The following PLAA variants were observed in gnomAD, a reference collection of about 807,000 sequenced individuals.
The protein encoded by PLAA is phospholipase A2 activating protein.
In PLAA, 48 loss-of-function variants were observed where a neutral mutation model predicts 84.1. The ratio of observed to expected loss-of-function variants is 0.57; its 90% CI spans 0.45 to 0.73. The LOEUF is 0.73. Among genes scored for constraint, PLAA ranks in the 30% least tolerant of loss-of-function variants. The pLI, the probability that PLAA is intolerant of heterozygous loss-of-function variation, is 0.00. For missense variants in PLAA, 903 were observed against 954.7 expected, an observed-to-expected ratio of 0.95 and a Z score of 0.71; for synonymous variants, 392 against 336.6, an observed-to-expected ratio of 1.16 and a Z score of -1.80.
intron 4 of PLAA, 152 bp from the exon 5 acceptor site, chr9:26,926,712 C>A: frequency 1.9e-6 from 1 of 539,458 alleles, no homozygotes; most frequent in Non-Finnish European, 3.1e-6. Context: ...GCCTGATAAC[C>A]AAAATTTGTA....
chr9:26,908,650 A>G (rs1160065815), intron 12 of PLAA, among the ~76,000 whole-genome samples: 1 of 151,864 alleles, frequency 6.6e-6, no homozygotes, highest in Non-Finnish European at 1.5e-5. Context: ...TTTTTAGTAG[A>G]GATGGGGTTT....
At chr9:26,926,306 T>TA in intron 5 of PLAA, 87 bp downstream of exon 5, 1 of 800,624 alleles carries the variant, frequency 1.2e-6, no homozygotes, top group South Asian at 1.8e-5. Context: ...GTAAATTAAG[T>TA]AATCAGCTCT....
At chr9:26,917,803 A>AAAAAAAC (rs894506509) in intron 9 of PLAA, among the ~76,000 whole-genome samples, 12 of 152,204 alleles carry the variant, frequency 7.9e-5, no homozygotes, top group African/African-American at 1.7e-4. Flanking sequence ...GTTGTCCACA[A>AAAAAAAC]AAAAAACAAA....
At chr9:26,919,560 G>A (rs1563910402) in intron 8 of PLAA, 31 bp from the exon 9 acceptor site, 1 of 1,140,642 alleles carries the variant, frequency 8.8e-7, no homozygotes, top group Non-Finnish European at 1.3e-6. Flanking sequence ...GGAGATACAT[G>A]CTTATTATCT....
At chr9:26,911,381 G>T (rs1824392801) in intron 11 of PLAA, among the ~76,000 whole-genome samples, 1 of 152,162 alleles carries the variant, frequency 6.6e-6, no homozygotes, top group Non-Finnish European at 1.5e-5. Flanking sequence ...TCGAACTCCT[G>T]ACCTCGTCAT....
At chr9:26,932,227 T>C (rs1307919434) in intron 2 of PLAA, among the ~76,000 whole-genome samples, 3 of 96,178 alleles carry the variant, frequency 3.1e-5, no homozygotes, top group Non-Finnish European at 5.9e-5. Context: ...TGTTTTGTTT[T>C]GTTTTGTTTT....
Position 26,919,326 on chromosome 9 carries a change from A to G in PLAA, c.1401T>C (p.Phe467=). 1 of 1,609,202 alleles carries G rather than the reference A, an allele frequency of 6.2e-7. No individual in the cohort carries two copies. The highest frequency in any genetic ancestry group is 2.2e-5 in the East Asian group (1 of 44,756). ...GQMLGLGNPS[F]SDPFTGGGRY... is the part of the protein sequence containing the mutation. ...CTAACTTACCTGTAAATGGATCTGAAAAGCTGGGATTCCCAAGTCCCAACA... is the reference window on the plus strand; with the variant it reads ...CTAACTTACCTGTAAATGGATCTGAGAAGCTGGGATTCCCAAGTCCCAACA... Residue 467 remains phenylalanine (F), a synonymous_variant, in exon 9 of 14, where the codon TTT becomes TTC. Coordinates refer to ENST00000397292, the MANE Select transcript of PLAA (RefSeq NM_001031689.3).
chr9:26,920,423 A>T (rs751277276), intron 7 of PLAA, 39 bp from the exon 8 acceptor site: 43 of 1,366,606 alleles, frequency 3.1e-5, no homozygotes, highest in Non-Finnish European at 4.1e-5. Context: ...GTAGAATGGC[A>T]ATGTAAAATT....
In PLAA at chr9:26,920,364, G is replaced by A. The variant is rs1563910839; in HGVS notation, c.1060C>T (p.Arg354Cys). ...ACTTTCTCCCCATCTCTGATTAGAC[G>A]AGTCTGTCCTTCTCTAGTACCTTAA... ...NEPGTREGQT[R>C]LIRDGEKVEA... is the part of the protein sequence containing the mutation. The change falls in exon 8 of 14, where the codon CGT (arginine) becomes TGT (cysteine). Residue 354 changes from arginine to cysteine, a missense_variant. Transcript: ENST00000397292. 4 of 1,611,802 alleles carry A rather than the reference G, an allele frequency of 2.5e-6. No homozygotes were observed. Among genetic ancestry groups the A allele is most frequent in the South Asian group, 2.2e-5 (2 of 90,848 alleles).
At chr9:26,911,027 T>C (rs10812494) in intron 11 of PLAA, among the ~76,000 whole-genome samples, 14,148 of 152,138 alleles carry the variant, frequency 0.093, 1,578 homozygotes, top group East Asian at 0.61. Flanking sequence ...TGTAAATCCC[T>C]GAAGGACAGG....
intron 11 of PLAA, among the ~76,000 whole-genome samples, chr9:26,911,974 T>TTGCC (rs2131369114): frequency 6.6e-6 from 1 of 152,280 alleles, no homozygotes; most frequent in South Asian, 2.1e-4. Context: ...CATACACACA[T>TTGCC]TGCCTGCATT....
At chr9:26,910,597 T>C (rs896090370) in intron 11 of PLAA, among the ~76,000 whole-genome samples, 158 bp from the exon 12 acceptor site, 2 of 152,072 alleles carry the variant, frequency 1.3e-5, no homozygotes, top group Non-Finnish European at 2.9e-5. Context: ...CAAAATATTT[T>C]GTATAATTTA....
chr9:26,935,071 G>A lies in PLAA; in HGVS notation c.285C>T (p.Cys95=). The A allele has an allele frequency of 6.2e-7, 1 of 1,609,800 alleles. No individual in the cohort carries two copies. Residue 95 remains cysteine, a synonymous_variant, in exon 2 of 14, where the codon TGC becomes TGT. Transcript: ENST00000397292. ...GCATTGGACTGTCCAGTGAGAAAAT[G>A]CATATATTGTGGTCATTTCCACCGG... ...IATGGNDHNI[C]IFSLDSPMPL... is the part of the protein sequence containing the mutation.
chr9:26,927,127 C>CTTTTTTTTTTTTTTTTTTTTTTTT (rs10672584), intron 4 of PLAA, among the ~76,000 whole-genome samples: 2 of 136,780 alleles, frequency 1.5e-5, no homozygotes, highest in Admixed American at 7.6e-5. Context: ...TTTTGTTTTT[C>CTTTTTTTTTTTTTTTTTTTTTTTT]TTTTTTTTTT....
intron 7 of PLAA, among the ~76,000 whole-genome samples, chr9:26,922,794 G>C (rs1449890188): frequency 6.6e-6 from 1 of 151,844 alleles, no homozygotes; most frequent in Non-Finnish European, 1.5e-5. Context: ...AGCCTCCTGA[G>C]TAGCTGGGAC....
intron 9 of PLAA, 80 bp from the exon 10 acceptor site, chr9:26,917,245 G>A: frequency 9.1e-7 from 1 of 1,101,218 alleles, no homozygotes; most frequent in East Asian, 2.4e-5. Context: ...TGTTTTAGAA[G>A]AACCTACATT....
At chr9:26,943,609 C>T (rs777742263) in intron 1 of PLAA, among the ~76,000 whole-genome samples, 1 of 152,068 alleles carries the variant, frequency 6.6e-6, no homozygotes, top group Non-Finnish European at 1.5e-5. Context: ...ATTTCATTTA[C>T]GACTTCACTC....
Position 26,928,005 on chromosome 9 carries a change from T to A in PLAA, c.565+95A>T, listed in dbSNP as rs1004570504. The A allele has an allele frequency of 1.7e-5, 23 of 1,337,144 alleles. No individual in the cohort carries two copies. The Admixed American group carries it at 4.4e-4, about 26-fold the overall frequency. 82.8% of individuals were successfully genotyped at this position (1,337,144 alleles called of 1,614,324 possible). On this transcript the variant is annotated intron_variant, in intron 4 of 13. Transcript: ENST00000397292. ...ATTAATAGCTTAAATATACTAATGT[T>A]TTTCAAATATTTTCATGCTTGTAAA...
chr9:26,917,601 C>CA (rs1272061204), intron 9 of PLAA, among the ~76,000 whole-genome samples: 1 of 152,074 alleles, frequency 6.6e-6, no homozygotes, highest in Non-Finnish European at 1.5e-5. Flanking sequence ...ATTCATGTGT[C>CA]AAACAATGGA....
Sources: gnomAD v4.1 joint callset for allele counts (sites outside exome capture counted in the v4.1 genomes callset) on GRCh38, gnomAD v4.1.1 for gene constraint, MANE v1.5 for transcripts, NCBI Gene and HGNC (gene_info 2026-07-23, HGNC 2026-07-21) for gene names.